The following FBXL17 variants were observed in gnomAD, a reference collection of about 807,000 sequenced individuals.
The protein encoded by FBXL17 is F-box and leucine rich repeat protein 17, also known as F-box/LRR-repeat protein 17.
In FBXL17, 22 loss-of-function variants were observed where a neutral mutation model predicts 66.2. The ratio of observed to expected loss-of-function variants is 0.33; its 90% CI spans 0.24 to 0.47. FBXL17 has a LOEUF of 0.47. Ranked by LOEUF, FBXL17 falls within the 20% of genes least tolerant of loss-of-function variation. FBXL17 has a pLI of 1.00. For synonymous variants in FBXL17, 474 were observed against 400.5 expected, an observed-to-expected ratio of 1.18 and a Z score of -2.19; for missense variants, 878 against 948.2, an observed-to-expected ratio of 0.93 and a Z score of 0.97.
intron 6 of FBXL17, among the ~76,000 whole-genome samples, chr5:108,106,907 G>C (rs1317251551): frequency 1.3e-5 from 2 of 152,060 alleles, no homozygotes; most frequent in Non-Finnish European, 2.9e-5. Context: ...CCATGGAATA[G>C]TACACCTTAA....
intron 6 of FBXL17, among the ~76,000 whole-genome samples, chr5:108,180,430 C>T (rs886654165): frequency 2.6e-5 from 4 of 151,706 alleles, no homozygotes; most frequent in Non-Finnish European, 5.9e-5. Flanking sequence ...CACTTGAGCC[C>T]GGGAAGCAGA....
intron 6 of FBXL17, among the ~76,000 whole-genome samples, chr5:108,091,366 A>C (rs34416): frequency 2.0e-5 from 3 of 152,206 alleles, no homozygotes; most frequent in Middle Eastern, 3.4e-3. Flanking sequence ...AAATGTTATA[A>C]ACATTTGAAC....
chr5:108,216,745 T>C (rs1754615118), intron 5 of FBXL17, among the ~76,000 whole-genome samples: 1 of 152,008 alleles, frequency 6.6e-6, no homozygotes, highest in East Asian at 1.9e-4. Flanking sequence ...CCACATAACA[T>C]AAAAAGCAGC....
Position 108,371,395 on chromosome 5 carries a change from C to T in FBXL17, c.994-3442G>A, listed in dbSNP as rs371739037. On this transcript the variant is annotated intron_variant, in intron 1 of 8. Coordinates refer to ENST00000542267, the MANE Select transcript of FBXL17 (RefSeq NM_001163315.3). ...TATCTCTGAGAGAAACTCCATCTTT[C>T]TAGCCAGATAACCAAATAAAGTTTT... Among the ~76,000 whole-genome samples, 16 of 152,348 alleles carry T rather than the reference C, an allele frequency of 1.1e-4. No homozygotes were observed. In the East Asian group the frequency reaches 2.9e-3, roughly 28 times the overall value.
intron 7 of FBXL17, among the ~76,000 whole-genome samples, chr5:107,964,077 A>G (rs1264274399): frequency 3.9e-5 from 6 of 152,192 alleles, no homozygotes; most frequent in Non-Finnish European, 2.9e-5. Flanking sequence ...TGGGAGCTTT[A>G]TAAGATTTAT....
intron 7 of FBXL17, among the ~76,000 whole-genome samples, chr5:107,891,044 A>T (rs538522151): frequency 1.3e-5 from 2 of 152,322 alleles, no homozygotes; most frequent in East Asian, 3.9e-4. Context: ...TTTGGAGAAA[A>T]ATAAAGCAGA....
intron 1 of FBXL17, among the ~76,000 whole-genome samples, chr5:108,373,157 A>G (rs1195696948): frequency 1.4e-5 from 2 of 147,642 alleles, no homozygotes; most frequent in Non-Finnish European, 3.0e-5. Context: ...TTTTATTTAT[A>G]TATATAATTC....
intron 4 of FBXL17, among the ~76,000 whole-genome samples, chr5:108,343,562 A>C (rs1747031147): frequency 6.6e-6 from 1 of 152,206 alleles, no homozygotes. Flanking sequence ...TTAATATATT[A>C]ACTCATATAT....
chr5:108,036,338 T>C (rs900694290), intron 6 of FBXL17, among the ~76,000 whole-genome samples: 1 of 152,200 alleles, frequency 6.6e-6, no homozygotes. Flanking sequence ...CAAGGAAGCA[T>C]CTCAGGCATA....
intron 7 of FBXL17, among the ~76,000 whole-genome samples, chr5:107,924,041 A>G (rs1750411013): frequency 6.6e-6 from 1 of 150,538 alleles, no homozygotes; most frequent in African/African-American, 2.4e-5. Context: ...TGCCTAAAGA[A>G]GTGGCATATG....
At chr5:108,373,972 T>C (rs1749242160) in intron 1 of FBXL17, among the ~76,000 whole-genome samples, 1 of 152,186 alleles carries the variant, frequency 6.6e-6, no homozygotes, top group Non-Finnish European at 1.5e-5. Flanking sequence ...AATCCAATTA[T>C]ATACTGTTTA....
chr5:108,319,447 T>G (rs1759517643), intron 4 of FBXL17, among the ~76,000 whole-genome samples: 1 of 151,860 alleles, frequency 6.6e-6, no homozygotes, highest in Admixed American at 6.6e-5. Flanking sequence ...CTATGCACTG[T>G]AATGCAAATG....
chr5:107,931,558 T>A (rs1026243992), intron 7 of FBXL17, among the ~76,000 whole-genome samples: 1 of 61,530 alleles, frequency 1.6e-5, no homozygotes, highest in African/African-American at 4.0e-5. Flanking sequence ...GGCTGAGAAT[T>A]TTTTTTTTAA....
chr5:108,079,701 T>G (rs1008230210), intron 6 of FBXL17, among the ~76,000 whole-genome samples: 15 of 152,158 alleles, frequency 9.9e-5, no homozygotes, highest in African/African-American at 3.4e-4. Flanking sequence ...AATTGTATGG[T>G]TATTTTGTGG....
intron 4 of FBXL17, among the ~76,000 whole-genome samples, chr5:108,266,892 T>G (rs1320983560): frequency 6.6e-6 from 1 of 152,110 alleles, no homozygotes; most frequent in East Asian, 1.9e-4. Context: ...ATCTGTGGTT[T>G]CAGACATCTA....
At chr5:107,898,093 G>A (rs1027306978) in intron 7 of FBXL17, among the ~76,000 whole-genome samples, 2 of 152,100 alleles carry the variant, frequency 1.3e-5, no homozygotes, top group Admixed American at 1.3e-4. Context: ...AAGCTGTGAA[G>A]GAAACAAATA....
At position 107,933,096 on chromosome 5, in the gene FBXL17, T is replaced by C. The variant is rs1036842262; in HGVS notation, c.1823-51917A>G. On this transcript the variant is annotated intron_variant, in intron 7 of 8. Transcript: ENST00000542267. The stretch of plus-strand genomic sequence containing the variant: ...TCACTTTAAAAAAGTTCCAGGTTTC[T>C]TATTTGAGGTATGGAACGGTACTGA... 2.4e-4 allele frequency among the ~76,000 whole-genome samples: 37 copies of C among 152,180 alleles called. 1 individual carries two copies. The highest frequency in any genetic ancestry group is 1.5e-3 in the Admixed American group (23 of 15,274).
chr5:108,125,737 T>C (rs998653087), intron 6 of FBXL17, among the ~76,000 whole-genome samples: 2 of 152,126 alleles, frequency 1.3e-5, no homozygotes, highest in Non-Finnish European at 2.9e-5. Context: ...AACTATGTTA[T>C]AGTTTTGTGT....
chr5:107,961,437 A>C (rs1751905938), intron 7 of FBXL17, among the ~76,000 whole-genome samples: 1 of 151,996 alleles, frequency 6.6e-6, no homozygotes, highest in East Asian at 1.9e-4. Flanking sequence ...CATGTTGCCC[A>C]GGCTGGACTC....
Sources: gnomAD v4.1 joint callset for allele counts (sites outside exome capture counted in the v4.1 genomes callset) on GRCh38, gnomAD v4.1.1 for gene constraint, MANE v1.5 for transcripts, NCBI Gene and HGNC (gene_info 2026-07-23, HGNC 2026-07-21) for gene names.